Variants in RXRA observed in about 807,000 individuals in gnomAD.
The protein encoded by RXRA is retinoid X receptor alpha.
In RXRA, 5 loss-of-function variants were observed where a neutral mutation model predicts 44.5. The ratio of observed to expected loss-of-function variants is 0.11; its 90% confidence interval spans 0.06 to 0.24. The LOEUF (loss-of-function observed/expected upper bound fraction) is 0.24. RXRA is among the 10% of genes least tolerant of loss of function. RXRA has a pLI of 1.00. For missense variants in RXRA, 412 were observed against 646.5 expected (o/e 0.64, Z 3.93); for synonymous variants, 291 against 271.4 (o/e 1.07, Z -0.71).
intron 2 of RXRA, chr9:134,402,675 T>C (rs1830983751): frequency 1.3e-5 from 2 of 149,272 alleles, no homozygotes; most frequent in Non-Finnish European, 2.9e-5. Flanking sequence ...GTGTCCGGTC[T>C]GTGAGGGTGG....
intron 1 of RXRA, among the ~76,000 whole-genome samples, chr9:134,381,298 C>A (rs535604170): frequency 6.6e-6 from 1 of 151,826 alleles, no homozygotes; most frequent in South Asian, 2.1e-4. Context: ...GCTGGCCTCA[C>A]CTGCTGGTAG....
chr9:134,355,173 G>A (rs1017050863), intron 1 of RXRA, among the ~76,000 whole-genome samples: 3 of 152,234 alleles, frequency 2.0e-5, no homozygotes, highest in Admixed American at 1.3e-4. Flanking sequence ...CTCTGCTGGC[G>A]TTTGTCCTCA....
chr9:134,409,999 G>T (rs530133204), intron 4 of RXRA, among the ~76,000 whole-genome samples: 2 of 152,316 alleles, frequency 1.3e-5, no homozygotes, highest in Admixed American at 6.5e-5. Flanking sequence ...GCCCCTGGTG[G>T]GGTCCCCAAA....
At chr9:134,430,941 C>T (rs1034159644) in intron 7 of RXRA, among the ~76,000 whole-genome samples, 13 of 152,232 alleles carry the variant, frequency 8.5e-5, no homozygotes, top group African/African-American at 2.9e-4. Context: ...CCCTCTGCAG[C>T]TGTGTGCTCC....
In RXRA at chr9:134,418,489, G is replaced by A. The variant is rs568933639; in HGVS notation, c.780+1162G>A. On this transcript the variant is annotated intron_variant, in intron 5 of 9. Coordinates refer to ENST00000481739, the MANE Select transcript of RXRA (RefSeq NM_002957.6). ...AACCTCTGTCCCTCTGTGGGCCCAGGCACACCAGCCTGCCCTCCGTGCTGG... is the reference window on the plus strand; with the variant it reads ...AACCTCTGTCCCTCTGTGGGCCCAGACACACCAGCCTGCCCTCCGTGCTGG... Among the ~76,000 whole-genome samples, 104 of 152,248 alleles carry A rather than the reference G, an allele frequency of 6.8e-4. 1 individual carries two copies. Among genetic ancestry groups the A allele is most frequent in the African/African-American group, 2.4e-3 (98 of 41,544 alleles).
rs539143153 is a variant in RXRA, at chr9:134,334,390, G to C, written c.28+7731G>C. ...CTGGTACCTTGGAGAGAGGCTGGCA[G>C]GCCGCATCCAGCTCCTGGTTTCCTG... On this transcript the variant is annotated intron_variant, in intron 1 of 9. Coordinates refer to ENST00000481739, the MANE Select transcript of RXRA (RefSeq NM_002957.6). Among the ~76,000 whole-genome samples, 4 of 152,394 alleles carry C rather than the reference G, an allele frequency of 2.6e-5. No individual in the cohort carries two copies. In the East Asian group the frequency reaches 7.7e-4, roughly 29 times the overall value.
intron 7 of RXRA, 26 bp from the exon 8 acceptor site, chr9:134,431,879 G>A (rs776058341): frequency 6.4e-7 from 1 of 1,573,806 alleles, no homozygotes; most frequent in Non-Finnish European, 8.7e-7. Context: ...TAACTGGGAT[G>A]GGGTGTCTGC....
At chr9:134,357,491 G>A (rs1830297427) in intron 1 of RXRA, among the ~76,000 whole-genome samples, 2 of 152,228 alleles carry the variant, frequency 1.3e-5, no homozygotes, top group South Asian at 4.1e-4. Flanking sequence ...GAGTTGGTGA[G>A]GTCCGTATGT....
At chr9:134,334,780 C>T (rs1255573576) in intron 1 of RXRA, among the ~76,000 whole-genome samples, 3 of 152,242 alleles carry the variant, frequency 2.0e-5, no homozygotes, top group Non-Finnish European at 2.9e-5. Context: ...GCTCTATGCC[C>T]TCCCCAGCTG....
At chr9:134,379,673 G>A in intron 1 of RXRA, 1 of 985,386 alleles carries the variant, frequency 1.0e-6, no homozygotes, top group Non-Finnish European at 1.2e-6. Context: ...CTGGGAGGTA[G>A]CAGGACAGCC....
intron 1 of RXRA, 28 bp downstream of exon 1, chr9:134,326,687 C>T (rs1554746077): frequency 1.3e-6 from 1 of 772,222 alleles, no homozygotes; most frequent in African/African-American, 2.0e-5. Context: ...CGGGCGGGGA[C>T]GGGGCCGGGG....
intron 1 of RXRA, among the ~76,000 whole-genome samples, chr9:134,382,877 G>C (rs942868702): frequency 9.9e-5 from 15 of 152,218 alleles, no homozygotes; most frequent in African/African-American, 3.6e-4. Context: ...CTCTGCCCCG[G>C]TGCTGGGCGC....
chr9:134,341,230 C>T (rs782796261), intron 1 of RXRA, among the ~76,000 whole-genome samples: 8 of 152,186 alleles, frequency 5.3e-5, no homozygotes, highest in African/African-American at 9.7e-5. Context: ...ATGAGGAGGC[C>T]GAGCTACAGA....
intron 1 of RXRA, among the ~76,000 whole-genome samples, chr9:134,386,042 C>T (rs912195670): frequency 2.6e-5 from 4 of 152,236 alleles, no homozygotes; most frequent in South Asian, 2.1e-4. Flanking sequence ...CAATGGCAGC[C>T]GCCTTGTGGT....
intron 1 of RXRA, among the ~76,000 whole-genome samples, chr9:134,368,906 G>C (rs1830450015): frequency 7.0e-6 from 1 of 142,474 alleles, no homozygotes; most frequent in Non-Finnish European, 1.5e-5. Flanking sequence ...ATGTGTGTGT[G>C]GGGGTTGTGT....
intron 1 of RXRA, among the ~76,000 whole-genome samples, chr9:134,331,240 A>G (rs1409270817): frequency 2.0e-5 from 3 of 152,202 alleles, no homozygotes; most frequent in Admixed American, 6.5e-5. Flanking sequence ...CTGGTGCGAG[A>G]TGTTCTGAGC....
chr9:134,415,595 G>C (rs1448759662), intron 4 of RXRA, among the ~76,000 whole-genome samples: 4 of 152,094 alleles, frequency 2.6e-5, no homozygotes, highest in Non-Finnish European at 5.9e-5. Flanking sequence ...GCCCAGAGAG[G>C]TGGCAGCTTC....
chr9:134,335,010 C>G (rs1013589644), intron 1 of RXRA, among the ~76,000 whole-genome samples: 1 of 152,156 alleles, frequency 6.6e-6, no homozygotes, highest in Non-Finnish European at 1.5e-5. Flanking sequence ...GTCCCCATGA[C>G]GGTTATCACT....
intron 1 of RXRA, among the ~76,000 whole-genome samples, chr9:134,328,228 C>G (rs1554746257): frequency 6.6e-6 from 1 of 152,220 alleles, no homozygotes; most frequent in Admixed American, 6.5e-5. Flanking sequence ...ATGCTCAGCT[C>G]AGTGTCTGGC....
Sources: gnomAD v4.1 joint callset for allele counts (sites outside exome capture counted in the v4.1 genomes callset) on GRCh38, gnomAD v4.1.1 for gene constraint, MANE v1.5 for transcripts, NCBI Gene and HGNC (gene_info 2026-07-23, HGNC 2026-07-21) for gene names.